UBE2V2: variants seen among roughly 807,000 people sequenced by gnomAD.
UBE2V2 encodes ubiquitin-conjugating enzyme E2 variant 2.
UBE2V2 carries 9 observed loss-of-function variants against 17.2 expected under a neutral mutation model. That is an observed-to-expected ratio of 0.52 (90% CI 0.32 to 0.91). UBE2V2 has a LOEUF of 0.91. UBE2V2 is among the 40% of genes least tolerant of loss of function. The pLI, the probability that UBE2V2 is intolerant of heterozygous loss-of-function variation, is 0.04. For synonymous variants in UBE2V2, 61 were observed against 57.5 expected, an observed-to-expected ratio of 1.06 and a Z score of -0.28; for missense variants, 133 against 182.6, an observed-to-expected ratio of 0.73 and a Z score of 1.56.
At chr8:48,025,267 T>C (rs971566802) in intron 1 of UBE2V2, among the ~76,000 whole-genome samples, 18 of 150,730 alleles carry the variant, frequency 1.2e-4, no homozygotes, top group African/African-American at 4.4e-4. Flanking sequence ...GATTTTCTTT[T>C]CTTTTCTTTT....
intron 1 of UBE2V2, among the ~76,000 whole-genome samples, chr8:48,038,463 G>A (rs2091439282): frequency 2.0e-5 from 3 of 151,128 alleles, no homozygotes; most frequent in African/African-American, 4.9e-5. Context: ...CTACAGGTGC[G>A]CACCACCATG....
the UBE2V2 span, among the ~76,000 whole-genome samples, chr8:48,001,305 A>G: frequency 2.0e-5 from 3 of 152,096 alleles, no homozygotes; most frequent in Non-Finnish European, 2.9e-5. Context: ...CTGCCTCCTG[A>G]CCAAACCTAC....
rs1802602511 is a variant in UBE2V2, at chr8:48,062,014, C to T, written c.*1186C>T. 6.6e-6 allele frequency: 1 copy of T among 152,136 alleles called. No individual in the cohort carries two copies. The highest frequency in any genetic ancestry group is 2.1e-4 in the South Asian group (1 of 4,832). The allele number at this position is 152,136 out of a possible 1,614,324, so 9.4% of individuals were successfully genotyped here. On this transcript the variant is annotated 3_prime_UTR_variant, in exon 4 of 4. Transcript: ENST00000523111. ...AACAAGGATAACTTTATTCATTCCTCGTATTCTCTACTCTAACAAATATGA... is the reference window on the plus strand; with the variant it reads ...AACAAGGATAACTTTATTCATTCCTTGTATTCTCTACTCTAACAAATATGA...
At chr8:48,045,254 T>C (rs1350325234) in intron 2 of UBE2V2, among the ~76,000 whole-genome samples, 1 of 152,116 alleles carries the variant, frequency 6.6e-6, no homozygotes, top group African/African-American at 2.4e-5. Flanking sequence ...GCATACAAAT[T>C]TATTTAAGTT....
At chr8:48,004,373 G>C (rs1485469600), upstream of UBE2V2, among the ~76,000 whole-genome samples, 1 of 152,094 alleles carries the variant, frequency 6.6e-6, no homozygotes, top group African/African-American at 2.4e-5. Flanking sequence ...GTTTTTCTCT[G>C]CACTGGTAAG....
intron 1 of UBE2V2, among the ~76,000 whole-genome samples, chr8:48,016,300 A>T (rs1257580048): frequency 6.6e-6 from 1 of 152,012 alleles, no homozygotes; most frequent in Non-Finnish European, 1.5e-5. Context: ...TGACATACTG[A>T]TTTTATTTTC....
Position 48,060,701 on chromosome 8 carries a change from C to T in UBE2V2, c.311C>T (p.Pro104Leu), listed in dbSNP as rs368966667. 7 of 1,515,970 alleles carry T rather than the reference C, an allele frequency of 4.6e-6. No individual in the cohort carries two copies. The African/African-American group carries it at 9.9e-5, about 22-fold the overall frequency. The allele number at this position is 1,515,970 out of a possible 1,614,324, so 93.9% of individuals were successfully genotyped here. A position where few individuals can be genotyped will look rare whatever the true frequency, so the allele number is the denominator to read the frequency against. The change falls in exon 4 of 4, where the codon CCA (proline) becomes CTA (leucine). Residue 104 changes from proline to leucine, a missense_variant. By Grantham distance (98) the Pro-to-Leu change is moderately conservative (BLOSUM62 -3). Around this residue, in one of 3 missense-constraint regions of UBE2V2, gnomAD observed 92 missense variants for 124.3 expected, o/e 0.74. Coordinates refer to ENST00000523111, the MANE Select transcript of UBE2V2 (RefSeq NM_003350.3). ...SSGMVDARSIPVLAKWQNSYS... is the reference protein window; with the variant it reads ...SSGMVDARSILVLAKWQNSYS... ...TTTCAGGTGGATGCCCGGAGCATAC[C>T]AGTGTTAGCAAAATGGCAAAATTCA...
chr8:48,028,120 GGGATTTACAGGCATGA>G (rs1305608156), intron 1 of UBE2V2, among the ~76,000 whole-genome samples: 14 of 151,848 alleles, frequency 9.2e-5, no homozygotes, highest in African/African-American at 3.4e-4. Context: ...CCAAAGTGCT[GGGATTTACAGGCATGA>G]GCCACTGTGC....
chr8:48,060,233 A>T (rs892504410), intron 3 of UBE2V2, among the ~76,000 whole-genome samples: 11 of 147,152 alleles, frequency 7.5e-5, no homozygotes, highest in South Asian at 2.1e-4. Flanking sequence ...AAAAAAAAAA[A>T]GGAAAGAATA....
At chr8:48,042,917 T>G in intron 1 of UBE2V2, 116 bp from the exon 2 acceptor site, 2 of 1,064,980 alleles carry the variant, frequency 1.9e-6, no homozygotes, top group Non-Finnish European at 2.5e-6. Flanking sequence ...TTAAAGGGGA[T>G]TTGGTCTTTT....
At chr8:48,046,641 C>G (rs2091501344) in intron 2 of UBE2V2, among the ~76,000 whole-genome samples, 5 of 152,032 alleles carry the variant, frequency 3.3e-5, no homozygotes, top group Admixed American at 2.0e-4. Flanking sequence ...ACTCTGTCAA[C>G]CAGGCTGGAG....
intron 1 of UBE2V2, among the ~76,000 whole-genome samples, chr8:48,008,862 G>A (rs2091205875): frequency 6.6e-6 from 1 of 152,186 alleles, no homozygotes; most frequent in Admixed American, 6.5e-5. Flanking sequence ...CCGAAGATGG[G>A]TCAGGCCAAG....
At chr8:48,025,802 G>C (rs965509284) in intron 1 of UBE2V2, among the ~76,000 whole-genome samples, 1 of 150,680 alleles carries the variant, frequency 6.6e-6, no homozygotes, top group African/African-American at 2.4e-5. Context: ...GGGTTTCTCC[G>C]TGTTAGCCAG....
intron 3 of UBE2V2, among the ~76,000 whole-genome samples, chr8:48,059,796 G>A (rs565503824): frequency 4.4e-4 from 67 of 152,300 alleles, no homozygotes; most frequent in African/African-American, 1.5e-3. Context: ...GTCAGATAAA[G>A]GAAAGCTCTG....
At chr8:48,039,456 T>C (rs2091447146) in intron 1 of UBE2V2, among the ~76,000 whole-genome samples, 1 of 152,234 alleles carries the variant, frequency 6.6e-6, no homozygotes, top group Non-Finnish European at 1.5e-5. Flanking sequence ...TTATGTTTGT[T>C]GGTCATTACT....
intron 1 of UBE2V2, among the ~76,000 whole-genome samples, chr8:48,013,383 C>T (rs2091246646): frequency 6.6e-6 from 1 of 151,610 alleles, no homozygotes; most frequent in Non-Finnish European, 1.5e-5. Flanking sequence ...TCTTGGCTCA[C>T]TGCAAGCACT....
At chr8:48,037,690 CA>C (rs1338743114) in intron 1 of UBE2V2, among the ~76,000 whole-genome samples, 1 of 152,146 alleles carries the variant, frequency 6.6e-6, no homozygotes, top group East Asian at 1.9e-4. Context: ...TGGGCCTAGC[CA>C]CAATTCTTTG....
chr8:48,008,982 C>G (rs923928159), intron 1 of UBE2V2, among the ~76,000 whole-genome samples: 1 of 152,118 alleles, frequency 6.6e-6, no homozygotes, highest in Non-Finnish European at 1.5e-5. Flanking sequence ...ATCTTTCTTA[C>G]CTGACTGAAT....
intron 3 of UBE2V2, among the ~76,000 whole-genome samples, chr8:48,058,027 G>C (rs757599237): frequency 6.6e-6 from 1 of 152,128 alleles, no homozygotes; most frequent in Non-Finnish European, 1.5e-5. Flanking sequence ...GTACAATGTT[G>C]AATGGAAGTG....
Sources: allele counts gnomAD v4.1 joint callset (sites outside exome capture counted in the v4.1 genomes callset), GRCh38; gene constraint gnomAD v4.1.1; regional missense constraint gnomAD v4.1.1; transcripts MANE v1.5; gene names NCBI Gene and HGNC (gene_info 2026-07-23, HGNC 2026-07-21).